The following SERPINA10 variants were observed in gnomAD, a reference collection of about 807,000 sequenced individuals.
SERPINA10 encodes serpin family A member 10, also known as protein Z-dependent protease inhibitor.
SERPINA10 carries 24 observed loss-of-function variants against 28.0 expected under a neutral mutation model. That is an observed-to-expected ratio of 0.86 (90% confidence interval 0.62 to 1.20). SERPINA10 has a LOEUF of 1.20. SERPINA10 is among the 50% of genes most tolerant of loss of function. The pLI is 0.00. For synonymous variants in SERPINA10, 207 were observed against 203.9 expected (o/e 1.02, Z -0.13); for missense variants, 521 against 537.7 (o/e 0.97, Z 0.31).
At position 94,280,675 on chromosome 14, in the gene SERPINA10, T is replaced by C. The variant is rs1164022313; in HGVS notation, c.*3290A>G. On this transcript the variant is annotated 3_prime_UTR_variant, in exon 5 of 5. Coordinates refer to ENST00000261994, the MANE Select transcript of SERPINA10 (RefSeq NM_001100607.3). ...GCAAAGAAAAATCTCCCTCCATCTG[T>C]AGTTGTAGGGAAAAGGGACATCTTC... 1 of 152,148 alleles carries C rather than the reference T, an allele frequency of 6.6e-6. No individual in the cohort carries two copies. The highest frequency in any genetic ancestry group is 1.5e-5 in the Non-Finnish European group (1 of 68,008). The allele number at this position is 152,148 out of a possible 1,614,324, so 9.4% of individuals were successfully genotyped here.
rs1566719645 is a variant in SERPINA10, at chr14:94,290,057, GAAGA to G, written c.533_536del (p.Phe178SerfsTer15). 6.2e-7 allele frequency: 1 copy of G among 1,614,210 alleles called. No individual in the cohort carries two copies. The highest frequency in any genetic ancestry group is 1.1e-5 in the South Asian group (1 of 91,088). On this transcript the variant is annotated frameshift_variant, in exon 2 of 5. Transcript: ENST00000261994. LOFTEE classifies it high-confidence loss of function. ...TATCAAAATACCTCTTGGATAAATT[GAAGA>G]AAGTCTCTTTGACATCAAAATCCTT...
intron 1 of SERPINA10, 110 bp from the exon 2 acceptor site, chr14:94,290,753 G>A: frequency 8.0e-7 from 1 of 1,246,920 alleles, no homozygotes; most frequent in Non-Finnish European, 1.1e-6. Context: ...AAGTAGGTTA[G>A]CCCTGCCCCA....
At chr14:94,289,725 G>T in intron 2 of SERPINA10, 151 bp downstream of exon 2, 1 of 874,318 alleles carries the variant, frequency 1.1e-6, no homozygotes, top group Non-Finnish European at 1.9e-6. Context: ...GTCTGGCACT[G>T]TTCAATATGT....
chr14:94,288,211 A>C (rs1373861951), intron 3 of SERPINA10, 75 bp downstream of exon 3: 2 of 1,588,250 alleles, frequency 1.3e-6, no homozygotes, highest in Non-Finnish European at 1.7e-6. Flanking sequence ...ATCACGGTGC[A>C]TTCAATGAAA....
chr14:94,289,341 T>C (rs1895103295), intron 2 of SERPINA10, among the ~76,000 whole-genome samples: 2 of 152,246 alleles, frequency 1.3e-5, no homozygotes, highest in Non-Finnish European at 2.9e-5. Flanking sequence ...GTTTCATCTT[T>C]AGAAAGGAGA....
At chr14:94,288,678 C>G in intron 2 of SERPINA10, 119 bp from the exon 3 acceptor site, 1 of 1,372,214 alleles carries the variant, frequency 7.3e-7, no homozygotes. Flanking sequence ...TCTTCTCGTT[C>G]CAACTAGGAA....
Position 94,290,560 on chromosome 14 carries a change from G to A in SERPINA10, c.34C>T (p.Leu12Phe). 1 of 1,613,746 alleles carries A rather than the reference G, an allele frequency of 6.2e-7. No individual in the cohort carries two copies. Among genetic ancestry groups the A allele is most frequent in the Non-Finnish European group, 8.5e-7 (1 of 1,179,916 alleles). ...GGTACCAGCCACACCTGTGCCAGGAGGACGGAGAGCAGGAGACTTGGCACC... is the reference window on the plus strand; with the variant it reads ...GGTACCAGCCACACCTGTGCCAGGAAGACGGAGAGCAGGAGACTTGGCACC... ...KVVPSLLLSV[L>F]LAQVWLVPGL... Residue 12 changes from leucine to phenylalanine, a missense_variant, in exon 2 of 5, where the codon CTC becomes TTC. Leu to Phe is a conservative substitution (Grantham distance 22). Transcript: ENST00000261994.
rs150658234 is a variant in SERPINA10 at position 94,286,813 on chromosome 14, G to A, written c.993-555C>T. Reference sequence around the variant, plus strand: ...ATTTAAAAATAATTGAGGACATGACGTGTCTTGAAGATTAATTTAAAAAGT... The same window carrying A: ...ATTTAAAAATAATTGAGGACATGACATGTCTTGAAGATTAATTTAAAAAGT... On this transcript the variant is annotated intron_variant, in intron 3 of 4. Transcript: ENST00000261994. Among the ~76,000 whole-genome samples the A allele has an allele frequency of 2.0e-4, 31 of 152,278 alleles. No individual in the cohort carries two copies. In the East Asian group the frequency reaches 2.7e-3, roughly 13 times the overall value.
chr14:94,283,725 T>C lies in SERPINA10; in HGVS notation c.*240A>G. ...AATTAAACTTTATCATAGGTATGTA[T>C]GTGTAGGAAAAAATATATATAAGGT... On this transcript the variant is annotated 3_prime_UTR_variant, in exon 5 of 5. Transcript: ENST00000261994. 5.3e-6 allele frequency: 3 copies of C among 561,400 alleles called. No homozygotes were observed. The highest frequency in any genetic ancestry group is 9.5e-6 in the Non-Finnish European group (3 of 316,720). The allele number at this position is 561,400 out of a possible 1,614,324, so 34.8% of individuals were successfully genotyped here.
chr14:94,292,350 C>T (rs1028060518), intron 1 of SERPINA10, among the ~76,000 whole-genome samples: 5 of 152,126 alleles, frequency 3.3e-5, no homozygotes, highest in South Asian at 2.1e-4. Flanking sequence ...TACCAGAATC[C>T]GGCCACGCTG....
Position 94,288,553 on chromosome 14 carries a change from C to A in SERPINA10, c.725G>T (p.Trp242Leu), listed in dbSNP as rs1895083273. 1.9e-6 allele frequency: 3 copies of A among 1,614,210 alleles called. No homozygotes were observed. In the African/African-American group the frequency reaches 4.0e-5, roughly 22 times the overall value. ...LVDYILFKGK[W>L]LTPFDPVFTE... ...GAAGACAGGGTCAAATGGGGTCAAC[C>A]ATTTCCCTGAACAAGTAAGAGAAGA... The change falls in exon 3 of 5, where the codon TGG (tryptophan) becomes TTG (leucine). Residue 242 changes from tryptophan (W) to leucine (L), a missense_variant. By Grantham distance (61) the Trp-to-Leu change is moderately conservative (BLOSUM62 -2). Transcript: ENST00000261994.
In SERPINA10 at chr14:94,290,474, C is replaced by G. The variant is rs771782758; in HGVS notation, c.120G>C (p.Arg40Ser). ...CTTCCTCCTTGGGAGCCTGCACTAC[C>G]CTGCTGGTCTGGTTCTGAGGGGCTG... is the stretch of plus-strand genomic sequence containing the variant. ...ETPAPQNQTS[R>S]VVQAPKEEEE... is the part of the protein sequence containing the mutation. The change falls in exon 2 of 5, where the codon AGG becomes AGC. Residue 40 changes from arginine to serine, a missense_variant. By Grantham distance (110) the Arg-to-Ser change is moderately radical. Coordinates refer to ENST00000261994, the MANE Select transcript of SERPINA10 (RefSeq NM_001100607.3). 1 of 1,613,782 alleles carries G rather than the reference C, an allele frequency of 6.2e-7. No homozygotes were observed. The highest frequency in any genetic ancestry group is 1.7e-5 in the Admixed American group (1 of 59,962).
chr14:94,287,406 T>C (rs754184003), intron 3 of SERPINA10, among the ~76,000 whole-genome samples: 1 of 152,152 alleles, frequency 6.6e-6, no homozygotes, highest in Admixed American at 6.5e-5. Flanking sequence ...TCCAATCGAT[T>C]AGCAGATCCT....
chr14:94,281,910 G>T lies in SERPINA10; in HGVS notation c.*2055C>A, dbSNP rs1435216524. The T allele has an allele frequency of 2.0e-5, 3 of 152,490 alleles. No individual in the cohort carries two copies. Among genetic ancestry groups the T allele is most frequent in the Non-Finnish European group, 4.4e-5 (3 of 68,004 alleles). The allele number at this position is 152,490 out of a possible 1,614,324, so 9.4% of individuals were successfully genotyped here. On this transcript the variant is annotated 3_prime_UTR_variant, in exon 5 of 5. Transcript: ENST00000261994. ...TTTCCAGATTTCATCTCTTAAAAGT[G>T]GGAAATTGGACTGGATGCTACTTTA...
At position 94,290,199 on chromosome 14, in the gene SERPINA10, G is replaced by C. The variant is rs149890122; in HGVS notation, c.395C>G (p.Ala132Gly). Residue 132 changes from alanine to glycine, a missense_variant, in exon 2 of 5, where the codon GCC (alanine) becomes GGC (glycine). Transcript: ENST00000261994. ...TQIKRGLHLQ[A>G]LKPTKPGLLP... ...GAGCCCGGGCTTGGTGGGCTTCAGG[G>C]CCTGCAAGTGGAGCCCTCTCTTGAT... The C allele has an allele frequency of 6.2e-7, 1 of 1,613,724 alleles. No homozygotes were observed. The highest frequency in any genetic ancestry group is 1.3e-5 in the African/African-American group (1 of 74,960).
chr14:94,290,457 T>C lies in SERPINA10; in HGVS notation c.137A>G (p.Lys46Arg), dbSNP rs941590. 706,145 of 1,612,922 alleles carry C rather than the reference T, an allele frequency of 0.44. 165,640 individuals are homozygous for C. Among genetic ancestry groups the C allele is most frequent in the African/African-American group, 0.83 (62,402 of 75,004 alleles). Residue 46 changes from lysine (K) to arginine (R), a missense_variant, in exon 2 of 5, where the codon AAG becomes AGG. Coordinates refer to ENST00000261994, the MANE Select transcript of SERPINA10 (RefSeq NM_001100607.3). ...CTCCTGCTCATCTTCCTCTTCCTCC[T>C]TGGGAGCCTGCACTACCCTGCTGGT... The part of the protein sequence containing the change: ...NQTSRVVQAP[K>R]EEEEDEQEAS...
intron 2 of SERPINA10, among the ~76,000 whole-genome samples, chr14:94,289,312 A>G (rs1174978397): frequency 6.6e-6 from 1 of 152,240 alleles, no homozygotes; most frequent in Non-Finnish European, 1.5e-5. Flanking sequence ...ACCTTGATCA[A>G]GCTAACGTCT....
rs1461710311 is a variant in SERPINA10, at chr14:94,281,489, C to G, written c.*2476G>C. On this transcript the variant is annotated 3_prime_UTR_variant, in exon 5 of 5. Transcript: ENST00000261994. ...CTCGACACATATATAGTGAAGACTT[C>G]TACAATGTTAAGATTTCCCCCGCTC... 2.6e-5 allele frequency: 4 copies of G among 152,078 alleles called. No individual in the cohort carries two copies. Among genetic ancestry groups the G allele is most frequent in the Non-Finnish European group, 4.4e-5 (3 of 68,008 alleles). The allele number at this position is 152,078 out of a possible 1,614,324, so 9.4% of individuals were successfully genotyped here.
At chr14:94,289,848 T>C (rs1485805860) in intron 2 of SERPINA10, 28 bp downstream of exon 2, 1 of 1,611,316 alleles carries the variant, frequency 6.2e-7, no homozygotes. Context: ...CCCTGTGGCC[T>C]TGGGAGAGCA....
Sources: gnomAD v4.1 joint callset for allele counts (sites outside exome capture counted in the v4.1 genomes callset) on GRCh38, gnomAD v4.1.1 for gene constraint, MANE v1.5 for transcripts, NCBI Gene and HGNC (gene_info 2026-07-23, HGNC 2026-07-21) for gene names.